Variants in POMZP3 observed in about 807,000 individuals in gnomAD.
POMZP3 encodes the protein POM121 and ZP3 fusion, also known as POM121 and ZP3 fusion protein.
POMZP3 carries 10 observed loss-of-function variants against 19.8 expected under a neutral mutation model. The observed-to-expected ratio is 0.51, with a 90% CI of 0.31 to 0.86. POMZP3 has a LOEUF of 0.86. Ranked by LOEUF, POMZP3 falls within the 40% of genes least tolerant of loss-of-function variation. POMZP3 has a pLI of 0.04. For synonymous variants in POMZP3, 57 were observed against 85.8 expected, an observed-to-expected ratio of 0.66 and a Z score of 1.85; for missense variants, 152 against 228.1, an observed-to-expected ratio of 0.67 and a Z score of 2.15.
intron 6 of POMZP3, among the ~76,000 whole-genome samples, chr7:76,611,018 G>GCATA (rs1418858527): frequency 7.2e-6 from 1 of 139,564 alleles, no homozygotes; most frequent in East Asian, 2.1e-4. Context: ...GGGATTACAG[G>GCATA]CATGTACCAC....
chr7:76,624,452 A>AT (rs34901875), intron 3 of POMZP3, among the ~76,000 whole-genome samples: 85,197 of 147,312 alleles, frequency 0.58, 24,599 homozygotes, highest in Middle Eastern at 0.74. Flanking sequence ...CACATAAGGA[A>AT]TTTTTTTTTT....
At chr7:76,626,678 G>C (rs1815917985) in intron 1 of POMZP3, 30 bp downstream of exon 1, 1 of 1,379,832 alleles carries the variant, frequency 7.2e-7, no homozygotes, top group South Asian at 1.7e-5. Flanking sequence ...CCGAGCCAAA[G>C]GATGATCTGG....
At chr7:76,610,299 C>G in intron 6 of POMZP3, 84 bp from the exon 7 acceptor site, 3 of 1,311,888 alleles carry the variant, frequency 2.3e-6, no homozygotes, top group Non-Finnish European at 3.3e-6. Flanking sequence ...CCTCAGTGGG[C>G]TAAACTAATA....
At chr7:76,622,674 T>G (rs1334651797) in intron 3 of POMZP3, among the ~76,000 whole-genome samples, 4 of 150,018 alleles carry the variant, frequency 2.7e-5, no homozygotes. Context: ...CATTCTCAAG[T>G]TTTGTTTTGT....
intron 4 of POMZP3, among the ~76,000 whole-genome samples, chr7:76,616,622 C>T (rs1225850891): frequency 1.1e-5 from 1 of 95,014 alleles, no homozygotes; most frequent in East Asian, 2.7e-4. Flanking sequence ...TTTTGGAGGC[C>T]GATGCAGGTG....
At chr7:76,620,499 A>G (rs1636624) in intron 3 of POMZP3, among the ~76,000 whole-genome samples, 49 of 150,926 alleles carry the variant, frequency 3.2e-4, no homozygotes, top group East Asian at 2.2e-3. Flanking sequence ...ATGGAGTTTC[A>G]CTCTTCTTGC....
At chr7:76,623,556 T>C (rs1815690191) in intron 3 of POMZP3, among the ~76,000 whole-genome samples, 2 of 148,146 alleles carry the variant, frequency 1.4e-5, no homozygotes, top group Non-Finnish European at 3.0e-5. Flanking sequence ...CCCAACACTT[T>C]GGGAGGCTGA....
At chr7:76,620,556 C>T (rs1416861425) in intron 3 of POMZP3, among the ~76,000 whole-genome samples, 14 of 151,436 alleles carry the variant, frequency 9.2e-5, no homozygotes, top group African/African-American at 3.2e-4. Context: ...CAACTTCCAC[C>T]TCCCATATTC....
chr7:76,623,654 G>T (rs1165690779), intron 3 of POMZP3, among the ~76,000 whole-genome samples: 1 of 148,058 alleles, frequency 6.8e-6, no homozygotes, highest in Non-Finnish European at 1.5e-5. Context: ...ACAAAAATTA[G>T]CTGGCTGTGA....
chr7:76,625,573 G>A lies in POMZP3; in HGVS notation c.176C>T (p.Thr59Ile), dbSNP rs1217725448. 1.9e-6 allele frequency: 3 copies of A among 1,613,268 alleles called. No homozygotes were observed. Among genetic ancestry groups the A allele is most frequent in the South Asian group, 1.1e-5 (1 of 91,034 alleles). The change falls in exon 3 of 7, where the codon ACA becomes ATA. Residue 59 changes from threonine to isoleucine, a missense_variant. This residue lies in a region of POMZP3 where 17 missense variants were observed against 38.1 expected (regional missense o/e 0.45). Coordinates refer to ENST00000310842, the MANE Select transcript of POMZP3 (RefSeq NM_012230.5). ...GAATATTTGGTCTTCTTCCTCCACT[G>A]TCCTTTTCTTCTTCTTCTCTTTGAG... ...SALKEKKKKR[T>I]VEEEDQIFLD...
chr7:76,618,986 C>T (rs1584346709), intron 3 of POMZP3, among the ~76,000 whole-genome samples: 1 of 152,100 alleles, frequency 6.6e-6, no homozygotes, highest in African/African-American at 2.4e-5. Flanking sequence ...TAGGGTCTCA[C>T]CATATTGCCC....
At position 76,611,598 on chromosome 7, in the gene POMZP3, T is replaced by C. The variant is rs1333635104; in HGVS notation, c.438-7A>G. 6.3e-7 allele frequency: 1 copy of C among 1,595,084 alleles called. No individual in the cohort carries two copies. Among genetic ancestry groups the C allele is most frequent in the Non-Finnish European group, 8.6e-7 (1 of 1,166,724 alleles). ...GCCTTCCACTGGGAACCAGCTGAGA[T>C]GAAAGAGAAGCAGCTTAGATTTTTG... On this transcript the variant is annotated splice_region_variant and splice_polypyrimidine_tract_variant and intron_variant, in intron 5 of 6. Coordinates refer to ENST00000310842, the MANE Select transcript of POMZP3 (RefSeq NM_012230.5).
At position 76,611,938 on chromosome 7, in the gene POMZP3, CCTATAAT is replaced by C. The variant is rs1328975307; in HGVS notation, c.346-132_346-126del. The C allele has an allele frequency of 2.6e-6, 4 of 1,513,038 alleles. 1 individual carries two copies. Among genetic ancestry groups the C allele is most frequent in the South Asian group, 2.5e-5 (2 of 80,272 alleles). 93.7% of individuals were successfully genotyped at this position (1,513,038 alleles called of 1,614,324 possible). ...AAGGGGCCGGGTGCGATGGCACACACCTATAATCCCAGCACTTTGGGAGGCCAAGGCG... is the reference window on the plus strand; with the variant it reads ...AAGGGGCCGGGTGCGATGGCACACACCCCAGCACTTTGGGAGGCCAAGGCG... On this transcript the variant is annotated intron_variant, in intron 4 of 6. Coordinates refer to ENST00000310842, the MANE Select transcript of POMZP3 (RefSeq NM_012230.5).
chr7:76,611,165 T>A (rs547731612), intron 6 of POMZP3, among the ~76,000 whole-genome samples: 1 of 149,968 alleles, frequency 6.7e-6, no homozygotes, highest in Non-Finnish European at 1.5e-5. Flanking sequence ...TGAGCCACTA[T>A]GCCAAGCCAG....
Position 76,611,754 on chromosome 7 carries a change from G to A in POMZP3, c.405C>T (p.Asn135=). ...AAGGCTTGCTGAAGGAACAGGCCTTGTTGAGTTCATCTGGGTCCTGCTCAG... is the reference window on the plus strand; with the variant it reads ...AAGGCTTGCTGAAGGAACAGGCCTTATTGAGTTCATCTGGGTCCTGCTCAG... The part of the protein sequence containing the change: ...TLAEQDPDEL[N]KACSFSKPSN... Residue 135 remains asparagine, a synonymous_variant, in exon 5 of 7, where the codon AAC becomes AAT. Transcript: ENST00000310842. The A allele has an allele frequency of 1.3e-6, 2 of 1,558,822 alleles. No individual in the cohort carries two copies. The highest frequency in any genetic ancestry group is 2.2e-5 in the East Asian group (1 of 44,776).
rs370250458 is a variant in POMZP3, at chr7:76,611,810, A to G, written c.349T>C (p.Tyr117His). 5.5e-5 allele frequency: 86 copies of G among 1,573,522 alleles called. No homozygotes were observed. The highest frequency in any genetic ancestry group is 4.5e-5 in the East Asian group (2 of 44,770). The change falls in exon 5 of 7, where the codon TAC (tyrosine) becomes CAC (histidine). Residue 117 changes from tyrosine (Y) to histidine (H), a missense_variant. By Grantham distance (83) the Tyr-to-His change is moderately conservative. This residue lies in a region of POMZP3 where 65 missense variants were observed against 86.2 expected (regional missense o/e 0.75). Coordinates refer to ENST00000310842, the MANE Select transcript of POMZP3 (RefSeq NM_012230.5). The part of the protein sequence containing the change: ...HFANDSRNMI[Y>H]ITCHLKVTLA... Reference sequence around the variant, plus strand: ...GTGACCTTCAGGTGGCAGGTGATGTATATCTGCAAGGAATAACAGCTATTT... The same window carrying G: ...GTGACCTTCAGGTGGCAGGTGATGTGTATCTGCAAGGAATAACAGCTATTT...
intron 3 of POMZP3, among the ~76,000 whole-genome samples, chr7:76,624,320 G>C (rs563145783): frequency 6.6e-6 from 1 of 151,606 alleles, no homozygotes; most frequent in Non-Finnish European, 1.5e-5. Flanking sequence ...AGGCTGAGGC[G>C]AGCTGATCAC....
rs1815820289 is a variant in POMZP3, at chr7:76,625,390, G to T, written c.227+132C>A. 3 of 1,452,160 alleles carry T rather than the reference G, an allele frequency of 2.1e-6. No homozygotes were observed. In the South Asian group the frequency reaches 3.8e-5, roughly 18 times the overall value. The allele number at this position is 1,452,160 out of a possible 1,614,324, so 90.0% of individuals were successfully genotyped here. ...AACCCCTGTTATTAGGTTCTTTCAT[G>T]AAAGCCAAAGAAGGAGGCCTATGAA... On this transcript the variant is annotated intron_variant, in intron 3 of 6. Coordinates refer to ENST00000310842, the MANE Select transcript of POMZP3 (RefSeq NM_012230.5).
chr7:76,611,423 T>C (rs1815092904), intron 6 of POMZP3, 31 bp downstream of exon 6: 1 of 1,528,244 alleles, frequency 6.5e-7, no homozygotes, highest in South Asian at 1.2e-5. Context: ...TAAGGGACAA[T>C]GAACAGCCTC....
Sources: allele counts gnomAD v4.1 joint callset (sites outside exome capture counted in the v4.1 genomes callset), GRCh38; gene constraint gnomAD v4.1.1; regional missense constraint gnomAD v4.1.1; transcripts MANE v1.5; gene names NCBI Gene and HGNC (gene_info 2026-07-23, HGNC 2026-07-21).